GYS2: variants seen among roughly 807,000 people sequenced by gnomAD.
The protein encoded by GYS2 is glycogen synthase 2.
GYS2 carries 80 observed loss-of-function variants against 85.6 expected under a neutral mutation model. The ratio of observed to expected loss-of-function variants is 0.93; its 90% CI spans 0.78 to 1.13. GYS2 has a LOEUF of 1.13. GYS2 is among the 50% of genes most tolerant of loss of function. GYS2 has a pLI of 0.00. For missense variants in GYS2, 881 were observed against 854.9 expected, an observed-to-expected ratio of 1.03 and a Z score of -0.38; for synonymous variants, 328 against 300.7, an observed-to-expected ratio of 1.09 and a Z score of -0.94.
At chr12:21,547,432 T>C (rs1944054824) in intron 11 of GYS2, among the ~76,000 whole-genome samples, 1 of 152,208 alleles carries the variant, frequency 6.6e-6, no homozygotes, top group East Asian at 1.9e-4. Flanking sequence ...GGAATATTAT[T>C]TAGTGCTAAA....
chr12:21,582,513 T>A (rs12305664), intron 1 of GYS2, among the ~76,000 whole-genome samples: 28,463 of 152,060 alleles, frequency 0.19, 2,776 homozygotes, highest in Middle Eastern at 0.34. Flanking sequence ...GCAGATGGCC[T>A]GTTTTGGGAC....
At chr12:21,598,831 G>C (rs1342962473) in intron 1 of GYS2, among the ~76,000 whole-genome samples, 2 of 152,046 alleles carry the variant, frequency 1.3e-5, no homozygotes. Flanking sequence ...CAAGTACTTT[G>C]TATTTTATTG....
At position 21,563,022 on chromosome 12, in the gene GYS2, G is replaced by C; in HGVS notation, c.958C>G (p.Leu320Val). 3 of 1,611,780 alleles carry C rather than the reference G, an allele frequency of 1.9e-6. No individual in the cohort carries two copies. Among genetic ancestry groups the C allele is most frequent in the Non-Finnish European group, 2.5e-6 (3 of 1,178,040 alleles). The change falls in exon 7 of 16, where the codon CTT becomes GTT. Residue 320 changes from leucine (L) to valine (V), a missense_variant. By Grantham distance (32) the Leu-to-Val change is conservative (BLOSUM62 1). Coordinates refer to ENST00000261195, the MANE Select transcript of GYS2 (RefSeq NM_021957.4). ...ATGAAAAGGAACAAAGTCTTTTCAA[G>C]ATCAAAGTCGAGATGACTAAAACAA... is the stretch of plus-strand genomic sequence containing the variant. ...GHFYGHLDFD[L>V]EKTLFLFIAG...
chr12:21,544,497 C>G (rs1028565312), intron 12 of GYS2, among the ~76,000 whole-genome samples: 1 of 152,178 alleles, frequency 6.6e-6, no homozygotes, highest in Admixed American at 6.5e-5. Context: ...GCCTCAGTCA[C>G]TCATGCATTT....
intron 11 of GYS2, among the ~76,000 whole-genome samples, chr12:21,554,106 AGGAAGGAAAGAAGAAT>A (rs1178393600): frequency 6.6e-6 from 1 of 151,890 alleles, no homozygotes; most frequent in Non-Finnish European, 1.5e-5. Context: ...TTTCCTTTCT[AGGAAGGAAAGAAGAAT>A]GGAAGGAAGG....
At chr12:21,553,833 G>A (rs1024935246) in intron 11 of GYS2, among the ~76,000 whole-genome samples, 1 of 151,474 alleles carries the variant, frequency 6.6e-6, no homozygotes, top group Non-Finnish European at 1.5e-5. Flanking sequence ...GGCTTCTTTT[G>A]TATTAAGAAA....
Position 21,547,609 on chromosome 12 carries a change from C to T in GYS2, c.1423-1139G>A, listed in dbSNP as rs548838620. Among the ~76,000 whole-genome samples the T allele has an allele frequency of 1.4e-4, 22 of 152,164 alleles. No individual in the cohort carries two copies. In the South Asian group the frequency reaches 2.7e-3, roughly 19 times the overall value. On this transcript the variant is annotated intron_variant, in intron 11 of 15. Coordinates refer to ENST00000261195, the MANE Select transcript of GYS2 (RefSeq NM_021957.4). The stretch of plus-strand genomic sequence containing the variant: ...AGTGAAAAGATCTGTGGTTTCCAGG[C>T]GTCAGGGGTGAGGGAGGGATGAGTG...
intron 12 of GYS2, among the ~76,000 whole-genome samples, chr12:21,545,311 G>A (rs375694112): frequency 1.1e-4 from 17 of 152,200 alleles, no homozygotes; most frequent in African/African-American, 3.6e-4. Flanking sequence ...GCGTGGTGGT[G>A]TGTGCCTGTA....
At chr12:21,582,083 A>C (rs1340785322) in intron 1 of GYS2, among the ~76,000 whole-genome samples, 1 of 152,136 alleles carries the variant, frequency 6.6e-6, no homozygotes, top group East Asian at 1.9e-4. Flanking sequence ...TGAGAAAAAA[A>C]AATTGCAAAC....
intron 12 of GYS2, among the ~76,000 whole-genome samples, chr12:21,545,277 A>G (rs1156483119): frequency 6.6e-6 from 1 of 152,156 alleles, no homozygotes; most frequent in Non-Finnish European, 1.5e-5. Flanking sequence ...ACCTGTCTCT[A>G]CTAAAAACAC....
intron 1 of GYS2, among the ~76,000 whole-genome samples, chr12:21,592,479 T>C (rs1944650998): frequency 6.6e-6 from 1 of 151,796 alleles, no homozygotes; most frequent in African/African-American, 2.4e-5. Context: ...AAACCAAAAA[T>C]GAGCAAAAGT....
intron 1 of GYS2, among the ~76,000 whole-genome samples, chr12:21,588,225 T>C (rs964388116): frequency 1.8e-4 from 27 of 152,350 alleles, no homozygotes; most frequent in African/African-American, 6.3e-4. Context: ...CAAAACATAT[T>C]CCATTTCATC....
chr12:21,534,443 G>A (rs1943892053), downstream of GYS2, among the ~76,000 whole-genome samples: 1 of 152,112 alleles, frequency 6.6e-6, no homozygotes, highest in African/African-American at 2.4e-5. Context: ...CTTGAGCCTG[G>A]GAAGTGGAGG....
At chr12:21,590,943 T>A (rs1944631833) in intron 1 of GYS2, among the ~76,000 whole-genome samples, 1 of 152,048 alleles carries the variant, frequency 6.6e-6, no homozygotes, top group Non-Finnish European at 1.5e-5. Flanking sequence ...AAAATCAAAG[T>A]GCCCTACTCA....
At chr12:21,595,959 A>T (rs1423002157) in intron 1 of GYS2, among the ~76,000 whole-genome samples, 1 of 152,192 alleles carries the variant, frequency 6.6e-6, no homozygotes, top group Non-Finnish European at 1.5e-5. Flanking sequence ...ACAGTTATAT[A>T]CAGAACATTT....
intron 8 of GYS2, among the ~76,000 whole-genome samples, chr12:21,559,934 T>C (rs1944231416): frequency 6.6e-6 from 1 of 152,164 alleles, no homozygotes; most frequent in African/African-American, 2.4e-5. Flanking sequence ...CACAAAGAGC[T>C]TAAAATTTTT....
At position 21,604,693 on chromosome 12, in the gene GYS2, T is replaced by C. The variant is rs1025245024; in HGVS notation, c.-101A>G. ...GGCACAAAAGTTAGAGTTGGTAGAG[T>C]TACCAGGCTTTGGTAGCTTCTCTTG... On this transcript the variant is annotated 5_prime_UTR_variant, in exon 1 of 16. Transcript: ENST00000261195. The C allele has an allele frequency of 1.4e-5, 22 of 1,582,298 alleles. No homozygotes were observed. In the African/African-American group the frequency reaches 2.2e-4, roughly 16 times the overall value.
Position 21,540,552 on chromosome 12 carries a change from C to T in GYS2, c.1667G>A (p.Arg556Gln), listed in dbSNP as rs376869969. 6.2e-6 allele frequency: 10 copies of T among 1,613,756 alleles called. No homozygotes were observed. The highest frequency in any genetic ancestry group is 4.0e-5 in the African/African-American group (3 of 74,878). ...TAYGIYIVDR[R>Q]FRSPDDSCNQ... ...GCAAGAATCATCTGGAGAACGGAAC[C>T]GCCTGTCAACGATGTAAATACCTGA... Residue 556 changes from arginine to glutamine, a missense_variant, in exon 14 of 16, where the codon CGG (arginine) becomes CAG (glutamine). Arg to Gln is a conservative substitution (Grantham distance 43). Transcript: ENST00000261195.
intron 1 of GYS2, among the ~76,000 whole-genome samples, chr12:21,600,395 T>C (rs1944742676): frequency 6.6e-6 from 1 of 152,122 alleles, no homozygotes; most frequent in South Asian, 2.1e-4. Flanking sequence ...TGAAAAGTGT[T>C]GAGATTACAG....
Sources: allele counts gnomAD v4.1 joint callset (sites outside exome capture counted in the v4.1 genomes callset), GRCh38; gene constraint gnomAD v4.1.1; transcripts MANE v1.5; gene names NCBI Gene and HGNC (gene_info 2026-07-23, HGNC 2026-07-21).